Variants in CFAP20DC observed in about 807,000 individuals in gnomAD.
The protein encoded by CFAP20DC is CFAP20 domain containing.
A neutral mutation model predicts 101.7 loss-of-function variants in CFAP20DC; 84 were observed. The observed-to-expected ratio is 0.83, with a 90% CI of 0.69 to 0.99. The LOEUF (loss-of-function observed/expected upper bound fraction) is 0.99, where lower values mean the gene tolerates loss of function less well. Ranked by LOEUF, CFAP20DC falls within the 50% of genes least tolerant of loss-of-function variation. The pLI is 0.00. For synonymous variants in CFAP20DC, 359 were observed against 351.2 expected (o/e 1.02, Z -0.25); for missense variants, 1,007 against 970.3 (o/e 1.04, Z -0.50).
Position 58,936,374 on chromosome 3 carries a change from C to T in CFAP20DC, c.393+1274G>A, listed in dbSNP as rs1227842850. Among the ~76,000 whole-genome samples the T allele has an allele frequency of 5.3e-5, 8 of 152,264 alleles. No individual in the cohort carries two copies. In the East Asian group the frequency reaches 1.4e-3, roughly 26 times the overall value. ...TGTGGAAGTCAGTGTGGCGATTCCTCAGGGATCTAGAACTAGAAATACCAT... is the reference window on the plus strand; with the variant it reads ...TGTGGAAGTCAGTGTGGCGATTCCTTAGGGATCTAGAACTAGAAATACCAT... On this transcript the variant is annotated intron_variant, in intron 5 of 16. Transcript: ENST00000482387.
chr3:59,042,449 TG>T (rs1436614876), intron 3 of CFAP20DC, among the ~76,000 whole-genome samples: 2 of 151,786 alleles, frequency 1.3e-5, no homozygotes, highest in Non-Finnish European at 2.9e-5. Flanking sequence ...GGGTAAATGC[TG>T]TAGGTAGAGG....
chr3:58,876,451 A>T (rs914052547), intron 7 of CFAP20DC, among the ~76,000 whole-genome samples: 3 of 152,170 alleles, frequency 2.0e-5, no homozygotes, highest in Non-Finnish European at 2.9e-5. Context: ...GAGCTCTTTT[A>T]AGAGCTGATA....
Position 58,732,839 on chromosome 3 carries a change from A to G in CFAP20DC, c.198-15211T>C, listed in dbSNP as rs2067671038. On this transcript the variant is annotated intron_variant, in intron 3 of 3. Coordinates refer to the CFAP20DC transcript ENST00000486145. The surrounding 1 kb of genome is among the most constrained non-coding windows in gnomAD (Gnocchi z 5.4). ...GTATGTCTTTGGTGAAATGTTCTATATCTATAACTTGTGATTAAGCTCAGG... is the reference window on the plus strand; with the variant it reads ...GTATGTCTTTGGTGAAATGTTCTATGTCTATAACTTGTGATTAAGCTCAGG... 6.6e-6 allele frequency among the ~76,000 whole-genome samples: 1 copy of G among 152,240 alleles called. No individual in the cohort carries two copies. Among genetic ancestry groups the G allele is most frequent in the Non-Finnish European group, 1.5e-5 (1 of 68,044 alleles).
intron 15 of CFAP20DC, among the ~76,000 whole-genome samples, chr3:58,791,185 TA>T (rs2072818158): frequency 6.6e-6 from 1 of 151,894 alleles, no homozygotes; most frequent in Non-Finnish European, 1.5e-5. Context: ...CTGATTCTGT[TA>T]AAGTATGATT....
chr3:58,936,669 C>G (rs1039987443), intron 5 of CFAP20DC, among the ~76,000 whole-genome samples: 6 of 152,106 alleles, frequency 3.9e-5, no homozygotes, highest in African/African-American at 1.4e-4. Context: ...TAAACTATCG[C>G]AAGGACGGAA....
At position 59,015,955 on chromosome 3, in the gene CFAP20DC, A is replaced by G. The variant is rs143108851; in HGVS notation, c.278+23602T>C. 2.5e-3 allele frequency among the ~76,000 whole-genome samples: 384 copies of G among 152,262 alleles called. 2 individuals carry two copies. Among genetic ancestry groups the G allele is most frequent in the South Asian group, 6.2e-3 (30 of 4,822 alleles). ...ATCTAAGCAGTACCAATGGATGCCCAGGCTGGGACAAAATGCTGGGAAGAA... is the reference window on the plus strand; with the variant it reads ...ATCTAAGCAGTACCAATGGATGCCCGGGCTGGGACAAAATGCTGGGAAGAA... On this transcript the variant is annotated intron_variant, in intron 4 of 16. Coordinates refer to ENST00000482387, the MANE Select transcript of CFAP20DC (RefSeq NM_001394063.1). This position sits in a 1 kb window ranked among gnomAD's most constrained non-coding sequence, Gnocchi z 5.4.
intron 7 of CFAP20DC, among the ~76,000 whole-genome samples, chr3:58,876,241 T>C (rs532491084): frequency 6.6e-6 from 1 of 152,232 alleles, no homozygotes; most frequent in East Asian, 1.9e-4. Context: ...ATAATCATAT[T>C]AATTGTCACA....
downstream of CFAP20DC, among the ~76,000 whole-genome samples, chr3:58,741,657 C>T (rs1209592594): frequency 6.6e-6 from 1 of 151,952 alleles, no homozygotes; most frequent in Non-Finnish European, 1.5e-5. Context: ...CCACCACACC[C>T]GGCTAATTTT....
chr3:58,804,307 C>T (rs527488651), intron 15 of CFAP20DC, among the ~76,000 whole-genome samples: 2 of 152,028 alleles, frequency 1.3e-5, no homozygotes, highest in East Asian at 3.9e-4. Flanking sequence ...AAACAAATGG[C>T]TCCACTGTCT....
chr3:59,042,574 G>T (rs1157192565), intron 3 of CFAP20DC, among the ~76,000 whole-genome samples: 2 of 151,942 alleles, frequency 1.3e-5, no homozygotes, highest in South Asian at 2.1e-4. Context: ...ATAGGAAATA[G>T]GTCAGAACTA....
chr3:58,791,236 C>T (rs2072823644), intron 15 of CFAP20DC, among the ~76,000 whole-genome samples: 1 of 152,052 alleles, frequency 6.6e-6, no homozygotes, highest in Non-Finnish European at 1.5e-5. Flanking sequence ...ATTAATATCC[C>T]TACCAATACT....
chr3:58,992,564 CAGA>C, intron 4 of CFAP20DC: 2 of 984,984 alleles, frequency 2.0e-6, no homozygotes, highest in Non-Finnish European at 2.4e-6. Flanking sequence ...TTTGAATTGT[CAGA>C]AGATCTTCAT....
intron 15 of CFAP20DC, among the ~76,000 whole-genome samples, chr3:58,766,737 T>C (rs1221705712): frequency 6.6e-6 from 1 of 152,206 alleles, no homozygotes; most frequent in Non-Finnish European, 1.5e-5. Flanking sequence ...CTGGCCACGC[T>C]GGTCTTCTCT....
chr3:58,836,441 T>C (rs368235447), intron 13 of CFAP20DC, among the ~76,000 whole-genome samples: 3 of 152,190 alleles, frequency 2.0e-5, no homozygotes, highest in African/African-American at 7.2e-5. Flanking sequence ...ATAGAACTTT[T>C]TGAGCCTCAG....
In CFAP20DC at chr3:58,831,819, C is replaced by T. The variant is rs148126876; in HGVS notation, c.2042G>A (p.Arg681Gln). 1.6e-5 allele frequency: 26 copies of T among 1,614,088 alleles called. No individual in the cohort carries two copies. The highest frequency in any genetic ancestry group is 9.3e-5 in the African/African-American group (7 of 75,034). The change falls in exon 14 of 17, where the codon CGG becomes CAG. Residue 681 changes from arginine to glutamine, a missense_variant. Arg to Gln is a conservative substitution (Grantham distance 43). Transcript: ENST00000482387. ...ESELQMLASL[R>Q]WQQNEELEDA... ...CTCCAGTTCTTCATTTTGTTGCCACCGTAGGCTTGCTAGCATCTGTAACTC... is the reference window on the plus strand; with the variant it reads ...CTCCAGTTCTTCATTTTGTTGCCACTGTAGGCTTGCTAGCATCTGTAACTC...
intron 14 of CFAP20DC, among the ~76,000 whole-genome samples, chr3:58,806,735 G>A (rs545698517): frequency 1.0e-3 from 155 of 152,322 alleles, no homozygotes; most frequent in African/African-American, 3.4e-3. Context: ...TGGGTGCAGC[G>A]CACCGTGTGC....
chr3:58,852,202 G>A (rs1002100405), intron 12 of CFAP20DC, among the ~76,000 whole-genome samples: 1 of 152,018 alleles, frequency 6.6e-6, no homozygotes, highest in African/African-American at 2.4e-5. Context: ...ATTCTTCAAG[G>A]AAATGCTTCA....
At chr3:58,802,877 T>G (rs983667098) in intron 15 of CFAP20DC, among the ~76,000 whole-genome samples, 1 of 151,992 alleles carries the variant, frequency 6.6e-6, no homozygotes. Context: ...ATTAAGAAGA[T>G]AGTTATGTTG....
In CFAP20DC at chr3:58,907,208, T is replaced by C. The variant is rs143273644; in HGVS notation, c.550+6500A>G. On this transcript the variant is annotated intron_variant, in intron 6 of 16. Coordinates refer to ENST00000482387, the MANE Select transcript of CFAP20DC (RefSeq NM_001394063.1). Reference sequence around the variant, plus strand: ...TTCTTGTTTGTGTGTTTTAATCTTCTGATTTGACAAATTTATATGTCGGCA... The same window carrying C: ...TTCTTGTTTGTGTGTTTTAATCTTCCGATTTGACAAATTTATATGTCGGCA... Among the ~76,000 whole-genome samples the C allele has an allele frequency of 2.0e-4, 30 of 152,252 alleles. 1 individual carries two copies. The East Asian group carries it at 5.4e-3, about 27-fold the overall frequency.
Sources: gnomAD v4.1 joint callset for allele counts (sites outside exome capture counted in the v4.1 genomes callset) on GRCh38, gnomAD v4.1.1 for gene constraint, Gnocchi (gnomAD v3.1) non-coding constraint, MANE v1.5 for transcripts, NCBI Gene and HGNC (gene_info 2026-07-23, HGNC 2026-07-21) for gene names.